Variants in SRGAP1 observed in about 807,000 individuals in gnomAD.
The protein encoded by SRGAP1 is SLIT-ROBO Rho GTPase activating protein 1, also known as SLIT-ROBO Rho GTPase-activating protein 1.
A neutral mutation model predicts 121.9 loss-of-function variants in SRGAP1; 43 were observed. The observed-to-expected ratio is 0.35, with a 90% confidence interval of 0.28 to 0.46. The LOEUF (loss-of-function observed/expected upper bound fraction) is 0.46, where lower values mean the gene tolerates loss of function less well. Among genes scored for constraint, SRGAP1 ranks in the 20% least tolerant of loss-of-function variants. The pLI is 1.00. For synonymous variants in SRGAP1, 447 were observed against 485.4 expected, an observed-to-expected ratio of 0.92 and a Z score of 1.04; for missense variants, 1,102 against 1,350.9, an observed-to-expected ratio of 0.82 and a Z score of 2.89.
rs180859531 is a variant in SRGAP1 at position 63,867,769 on chromosome 12, A to T, written c.67+22886A>T. ...GTCTTAATTAGTGACATTTAAAAAAAAATAATTTAAAACTCACTCATTTCC... is the reference window on the plus strand; with the variant it reads ...GTCTTAATTAGTGACATTTAAAAAATAATAATTTAAAACTCACTCATTTCC... On this transcript the variant is annotated intron_variant, in intron 1 of 21. Coordinates refer to ENST00000355086, the MANE Select transcript of SRGAP1 (RefSeq NM_020762.4). Among the ~76,000 whole-genome samples, 839 of 152,110 alleles carry T rather than the reference A, an allele frequency of 5.5e-3. 2 individuals are homozygous for T. Among genetic ancestry groups the T allele is most frequent in the Non-Finnish European group, 8.4e-3 (568 of 68,002 alleles).
At chr12:64,084,937 T>G (rs2035911647) in intron 10 of SRGAP1, among the ~76,000 whole-genome samples, 1 of 152,154 alleles carries the variant, frequency 6.6e-6, no homozygotes, top group African/African-American at 2.4e-5. Flanking sequence ...ATATTCAGTA[T>G]TTTGTATTTG....
At chr12:63,892,598 T>C (rs1400415510) in intron 1 of SRGAP1, among the ~76,000 whole-genome samples, 2 of 152,250 alleles carry the variant, frequency 1.3e-5, no homozygotes, top group South Asian at 2.1e-4. Flanking sequence ...TGAGTTACAG[T>C]ATGGGAAGTT....
intron 1 of SRGAP1, among the ~76,000 whole-genome samples, chr12:63,847,543 C>A (rs542725773): frequency 2.0e-5 from 3 of 151,992 alleles, no homozygotes; most frequent in South Asian, 4.1e-4. Flanking sequence ...CACTTGAGGC[C>A]GAGACCAGCC....
intron 3 of SRGAP1, among the ~76,000 whole-genome samples, chr12:64,000,286 AAC>A: frequency 6.7e-6 from 1 of 148,248 alleles, no homozygotes. Context: ...AAAAAAAAAA[AAC>A]CAGGATGTTA....
chr12:64,007,419 C>T (rs1464791064), intron 3 of SRGAP1, among the ~76,000 whole-genome samples: 3 of 152,074 alleles, frequency 2.0e-5, no homozygotes, highest in Admixed American at 6.5e-5. Flanking sequence ...TCTAATGCTG[C>T]GGCTGATCGG....
rs1335323745 is a variant in SRGAP1, at chr12:64,078,982, G to T, written c.1189G>T (p.Asp397Tyr). 1.9e-6 allele frequency: 3 copies of T among 1,614,012 alleles called. No individual in the cohort carries two copies. In the African/African-American group the frequency reaches 4.0e-5, roughly 22 times the overall value. Residue 397 changes from aspartate to tyrosine, a missense_variant, in exon 9 of 22, where the codon GAT becomes TAT. Around this residue, in one of 3 missense-constraint regions of SRGAP1, gnomAD observed 747 missense variants for 929.4 expected, o/e 0.80. Coordinates refer to ENST00000355086, the MANE Select transcript of SRGAP1 (RefSeq NM_020762.4). ...AGATATGGTCACCATCGAGGACTAT[G>T]ATGTTTCTGAATGCTTCCAGCACAG... ...IQDMVTIEDYDVSECFQHSRS... is the reference protein window; with the variant it reads ...IQDMVTIEDYYVSECFQHSRS...
chr12:64,104,898 A>AATAT (rs199969990), intron 15 of SRGAP1, among the ~76,000 whole-genome samples: 1 of 147,324 alleles, frequency 6.8e-6, no homozygotes, highest in Non-Finnish European at 1.5e-5. Context: ...TTGTGGTAAA[A>AATAT]ATATATATAT....
At chr12:64,118,483 A>G (rs2036556835) in intron 18 of SRGAP1, among the ~76,000 whole-genome samples, 1 of 152,002 alleles carries the variant, frequency 6.6e-6, no homozygotes, top group African/African-American at 2.4e-5. Flanking sequence ...GCTGGTCTTG[A>G]ACTCCTGAGC....
rs560298246 is a variant in SRGAP1 at position 64,075,380 on chromosome 12, C to T, written c.1126-3539C>T. 3.9e-5 allele frequency among the ~76,000 whole-genome samples: 6 copies of T among 152,316 alleles called. No homozygotes were observed. The South Asian group carries it at 1.2e-3, about 32-fold the overall frequency. On this transcript the variant is annotated intron_variant, in intron 8 of 21. Coordinates refer to ENST00000355086, the MANE Select transcript of SRGAP1 (RefSeq NM_020762.4). ...TCCGACTTGGGCGGGCCAGGTGTTC[C>T]TTGCCCTCTTGCGGTAAACCCACAA...
intron 1 of SRGAP1, among the ~76,000 whole-genome samples, chr12:63,918,461 G>A (rs114362789): frequency 0.011 from 1,641 of 152,208 alleles, 32 homozygotes; most frequent in African/African-American, 0.037. Flanking sequence ...CTGTCACCCA[G>A]GTTGGAGTGC....
intron 1 of SRGAP1, among the ~76,000 whole-genome samples, chr12:63,880,928 A>T (rs1900174804): frequency 6.6e-6 from 1 of 152,248 alleles, no homozygotes; most frequent in Non-Finnish European, 1.5e-5. Context: ...GCCTTCCTTT[A>T]TCTGCACACT....
At chr12:63,995,970 G>T (rs2033687994) in intron 3 of SRGAP1, among the ~76,000 whole-genome samples, 1 of 150,334 alleles carries the variant, frequency 6.7e-6, no homozygotes, top group Non-Finnish European at 1.5e-5. Flanking sequence ...TTTAGTAGAA[G>T]TTAATAAAAG....
Position 64,142,715 on chromosome 12 carries a change from G to T in SRGAP1, c.*43G>T, listed in dbSNP as rs769205579. 6.4e-7 allele frequency: 1 copy of T among 1,560,294 alleles called. No individual in the cohort carries two copies. The highest frequency in any genetic ancestry group is 8.7e-7 in the Non-Finnish European group (1 of 1,153,250). ...CCATAAAGGGAGGTGACTTAAAAAA[G>T]AAAATGGATTAGTGACAAAAGTCAC... On this transcript the variant is annotated 3_prime_UTR_variant, in exon 22 of 22. Coordinates refer to ENST00000355086, the MANE Select transcript of SRGAP1 (RefSeq NM_020762.4).
Position 64,128,236 on chromosome 12 carries a change from A to T in SRGAP1, c.2880+36A>T, listed in dbSNP as rs377463248. 2.2e-5 allele frequency: 34 copies of T among 1,545,272 alleles called. No homozygotes were observed. The African/African-American group carries it at 4.2e-4, about 19-fold the overall frequency. ...TTTAATTACATATTGCATTTTAAGT[A>T]CCTAAGTGTGATGTAGGAGGTGTGA... On this transcript the variant is annotated intron_variant, in intron 21 of 21. Coordinates refer to ENST00000355086, the MANE Select transcript of SRGAP1 (RefSeq NM_020762.4).
In SRGAP1 at chr12:64,127,661, A is replaced by G. The variant is rs1331390707; in HGVS notation, c.2477A>G (p.Asp826Gly). Residue 826 changes from aspartate (D) to glycine (G), a missense_variant, in exon 20 of 22, where the codon GAC (aspartate) becomes GGC (glycine). Asp to Gly is a moderately conservative substitution (Grantham distance 94). This residue lies in a region of SRGAP1 where 315 missense variants were observed against 343.1 expected (regional missense o/e 0.92). Coordinates refer to ENST00000355086, the MANE Select transcript of SRGAP1 (RefSeq NM_020762.4). The stretch of plus-strand genomic sequence containing the variant: ...GCCAGCAGTGGGCCAGTCACGGAAG[A>G]CAAGTCCTCATCCAAGGACATGAAC... Reference protein sequence around the residue: ...SEASSGPVTEDKSSSKDMNSP... With the variant: ...SEASSGPVTEGKSSSKDMNSP... The G allele has an allele frequency of 6.2e-7, 1 of 1,614,140 alleles. No homozygotes were observed. The highest frequency in any genetic ancestry group is 1.1e-5 in the South Asian group (1 of 91,074).
At chr12:64,138,334 T>C (rs2036892409) in intron 21 of SRGAP1, among the ~76,000 whole-genome samples, 1 of 152,182 alleles carries the variant, frequency 6.6e-6, no homozygotes, top group Admixed American at 6.5e-5. Flanking sequence ...ATTTAAATTT[T>C]TTTGTATGTA....
In SRGAP1 at chr12:64,147,266, A is replaced by G. The variant is rs1478201641; in HGVS notation, c.*4594A>G. ...TTGTGACTGTTACCTAATTGTGTCA[A>G]TGTACATCTGTAGTATGTACATGTG... On this transcript the variant is annotated 3_prime_UTR_variant, in exon 22 of 22. Coordinates refer to ENST00000355086, the MANE Select transcript of SRGAP1 (RefSeq NM_020762.4). 1.0e-5 allele frequency: 4 copies of G among 387,368 alleles called. No homozygotes were observed. Among genetic ancestry groups the G allele is most frequent in the African/African-American group, 4.1e-5 (2 of 48,406 alleles). The allele number at this position is 387,368 out of a possible 1,614,324, so 24.0% of individuals were successfully genotyped here. A position where few individuals can be genotyped will look rare whatever the true frequency, so the allele number is the denominator to read the frequency against.
At chr12:64,019,346 C>T (rs1025700783) in intron 4 of SRGAP1, among the ~76,000 whole-genome samples, 1 of 152,112 alleles carries the variant, frequency 6.6e-6, no homozygotes, top group African/African-American at 2.4e-5. Flanking sequence ...TCAGGTTCTA[C>T]CAAAGGCCAC....
At chr12:64,135,324 G>A (rs1391062004) in intron 21 of SRGAP1, among the ~76,000 whole-genome samples, 1 of 152,144 alleles carries the variant, frequency 6.6e-6, no homozygotes, top group Non-Finnish European at 1.5e-5. Context: ...ACTTGCATAA[G>A]AACTCGTGTC....
Sources: gnomAD v4.1 joint callset for allele counts (sites outside exome capture counted in the v4.1 genomes callset) on GRCh38, gnomAD v4.1.1 for gene constraint, gnomAD v4.1.1 regional missense constraint, MANE v1.5 for transcripts, NCBI Gene and HGNC (gene_info 2026-07-23, HGNC 2026-07-21) for gene names.